The following WWP1 variants were observed in gnomAD, a reference collection of about 807,000 sequenced individuals.
WWP1 encodes WW domain containing E3 ubiquitin protein ligase 1.
WWP1 carries 49 observed loss-of-function variants against 130.6 expected under a neutral mutation model. That is an observed-to-expected ratio of 0.38 (90% confidence interval 0.30 to 0.48). The LOEUF (loss-of-function observed/expected upper bound fraction) is 0.48. Among genes scored for constraint, WWP1 ranks in the 20% least tolerant of loss-of-function variants. The pLI is 0.99. For missense variants in WWP1, 809 were observed against 1,100.6 expected (o/e 0.74, Z 3.75); for synonymous variants, 332 against 367.8 (o/e 0.90, Z 1.11).
At chr8:86,429,218 C>T (rs530741456) in intron 11 of WWP1, among the ~76,000 whole-genome samples, 1 of 152,146 alleles carries the variant, frequency 6.6e-6, no homozygotes, top group Non-Finnish European at 1.5e-5. Flanking sequence ...AAGCCCTTGC[C>T]TTTTTTACTT....
At chr8:86,434,978 C>T (rs1160199071) in intron 14 of WWP1, among the ~76,000 whole-genome samples, 1 of 152,202 alleles carries the variant, frequency 6.6e-6, no homozygotes, top group African/African-American at 2.4e-5. Context: ...TGCCTTTTCT[C>T]TCACTGACCA....
intron 9 of WWP1, among the ~76,000 whole-genome samples, chr8:86,415,228 G>C (rs147146585): frequency 1.3e-5 from 2 of 152,060 alleles, no homozygotes; most frequent in African/African-American, 4.8e-5. Flanking sequence ...GGTGTTTTTT[G>C]AGTCTCCTGT....
At chr8:86,352,349 C>T (rs944692877) in intron 1 of WWP1, among the ~76,000 whole-genome samples, 15 of 152,142 alleles carry the variant, frequency 9.9e-5, no homozygotes, top group South Asian at 4.2e-4. Context: ...CTCATCCTAC[C>T]GAGTAGCTGG....
At chr8:86,461,153 A>G in intron 22 of WWP1, 71 bp from the exon 23 acceptor site, 2 of 1,355,758 alleles carry the variant, frequency 1.5e-6, no homozygotes, top group Admixed American at 3.4e-5. Context: ...TAATTTCTTC[A>G]AGTGTCTACT....
rs1229145189 is a variant in WWP1, at chr8:86,342,550, C to T, written c.-495C>T. ...TGCGCATGCTCGGGGGAGGCGGATT[C>T]CGGGTCCGGAGTTGGAGGCTTTGGG... On this transcript the variant is annotated 5_prime_UTR_variant, in exon 1 of 25. Transcript: ENST00000517970. Among the ~76,000 whole-genome samples, 1 of 151,692 alleles carries T rather than the reference C, an allele frequency of 6.6e-6. No individual in the cohort carries two copies. The highest frequency in any genetic ancestry group is 1.5e-5 in the Non-Finnish European group (1 of 67,898).
chr8:86,395,477 T>C (rs1807607100), intron 5 of WWP1, among the ~76,000 whole-genome samples: 1 of 135,334 alleles, frequency 7.4e-6, no homozygotes, highest in Non-Finnish European at 1.7e-5. Flanking sequence ...CACAGATTCA[T>C]ACTGTCCCAA....
rs78361065 is a variant in WWP1 at position 86,350,931 on chromosome 8, G to T, written c.-115+8001G>T. ...AATGAACCTGTTTTGTATAAAGTAG[G>T]ATATTCTTTACCTTAGAAGTAAACA... On this transcript the variant is annotated intron_variant, in intron 1 of 24. Transcript: ENST00000517970. Among the ~76,000 whole-genome samples the T allele has an allele frequency of 1.7e-3, 262 of 152,238 alleles. 3 individuals carry two copies. Among genetic ancestry groups the T allele is most frequent in the Non-Finnish European group, 3.1e-3 (214 of 68,010 alleles).
chr8:86,431,366 CTAAA>C (rs750927733), intron 12 of WWP1, 36 bp from the exon 13 acceptor site: 4 of 1,153,352 alleles, frequency 3.5e-6, no homozygotes, highest in African/African-American at 1.6e-5. Flanking sequence ...TATATAGATC[CTAAA>C]TAGTTATTAA....
At chr8:86,403,628 G>A (rs764068017) in intron 8 of WWP1, among the ~76,000 whole-genome samples, 6 of 152,012 alleles carry the variant, frequency 3.9e-5, no homozygotes, top group Admixed American at 6.6e-5. Context: ...TTTTACCCAA[G>A]GTTGGTGTTT....
chr8:86,444,014 A>C (rs1048499571), intron 18 of WWP1, among the ~76,000 whole-genome samples: 3 of 152,230 alleles, frequency 2.0e-5, no homozygotes, highest in Non-Finnish European at 4.4e-5. Flanking sequence ...AAATTTTATT[A>C]AGCTTGCTTT....
chr8:86,401,789 G>T (rs2130506161), intron 7 of WWP1, among the ~76,000 whole-genome samples: 1 of 151,996 alleles, frequency 6.6e-6, no homozygotes, highest in South Asian at 2.1e-4. Flanking sequence ...GAACTGAAAA[G>T]TAATTAAAAC....
intron 5 of WWP1, among the ~76,000 whole-genome samples, chr8:86,383,637 G>A (rs1825113270): frequency 6.6e-6 from 1 of 152,148 alleles, no homozygotes; most frequent in South Asian, 2.1e-4. Flanking sequence ...AGCTACTCAG[G>A]AGGCTGAGGC....
At chr8:86,400,124 T>C (rs1807887832) in intron 7 of WWP1, among the ~76,000 whole-genome samples, 1 of 151,650 alleles carries the variant, frequency 6.6e-6, no homozygotes, top group East Asian at 1.9e-4. Flanking sequence ...AGGTCAGGAG[T>C]TCGAGACCAG....
chr8:86,416,442 T>C (rs902913443), intron 9 of WWP1, among the ~76,000 whole-genome samples: 1 of 152,326 alleles, frequency 6.6e-6, no homozygotes, highest in South Asian at 2.1e-4. Context: ...AACTCTGGGA[T>C]TGTAGTTATG....
At chr8:86,434,446 C>T (rs555786714) in intron 14 of WWP1, among the ~76,000 whole-genome samples, 85 of 152,310 alleles carry the variant, frequency 5.6e-4, no homozygotes, top group African/African-American at 2.0e-3. Context: ...TCCCGAAACT[C>T]CATATGGCTT....
chr8:86,440,366 T>G (rs1810525013), intron 17 of WWP1, among the ~76,000 whole-genome samples: 1 of 152,242 alleles, frequency 6.6e-6, no homozygotes, highest in African/African-American at 2.4e-5. Flanking sequence ...TTTACAGGAT[T>G]GATATATTCC....
intron 21 of WWP1, among the ~76,000 whole-genome samples, chr8:86,457,467 CTA>C (rs1304839805): frequency 6.6e-6 from 1 of 151,144 alleles, no homozygotes; most frequent in African/African-American, 2.4e-5. Flanking sequence ...AGATATAAAT[CTA>C]TATATATAGA....
At chr8:86,403,397 G>C (rs1283670301) in intron 8 of WWP1, among the ~76,000 whole-genome samples, 1 of 152,172 alleles carries the variant, frequency 6.6e-6, no homozygotes, top group Admixed American at 6.5e-5. Flanking sequence ...CTGGGTTTAA[G>C]AGATTCTTGT....
chr8:86,390,643 A>G (rs1438520756), intron 5 of WWP1, among the ~76,000 whole-genome samples: 1 of 151,298 alleles, frequency 6.6e-6, no homozygotes, highest in African/African-American at 2.4e-5. Context: ...AGATGGCGGC[A>G]GCACAGTCCA....
Sources: allele counts gnomAD v4.1 joint callset (sites outside exome capture counted in the v4.1 genomes callset), GRCh38; gene constraint gnomAD v4.1.1; transcripts MANE v1.5; gene names NCBI Gene and HGNC (gene_info 2026-07-23, HGNC 2026-07-21).